ADCYAP1R1: variants seen among roughly 807,000 people sequenced by gnomAD.
ADCYAP1R1 encodes the protein ADCYAP receptor type I, also known as pituitary adenylate cyclase-activating polypeptide type I receptor.
In ADCYAP1R1, 44 loss-of-function variants were observed where a neutral mutation model predicts 67.6. The observed-to-expected ratio is 0.65, with a 90% CI of 0.51 to 0.84. The LOEUF is 0.84. Ranked by LOEUF, ADCYAP1R1 falls within the 40% of genes least tolerant of loss-of-function variation. The probability of loss-of-function intolerance (pLI) is 0.00; values close to 1 mark genes in which losing one functional copy is unlikely to be tolerated. For synonymous variants in ADCYAP1R1, 222 were observed against 219.6 expected (o/e 1.01, Z -0.10); for missense variants, 477 against 587.9 (o/e 0.81, Z 1.95).
intron 9 of ADCYAP1R1, 77 bp downstream of exon 9, chr7:31,085,519 A>C (rs1795706923): frequency 2.7e-6 from 4 of 1,499,678 alleles, no homozygotes; most frequent in Admixed American, 1.9e-5. Flanking sequence ...CAGGACGCAC[A>C]TTACCTGCCT....
chr7:31,071,968 C>T (rs1048014016), intron 3 of ADCYAP1R1, among the ~76,000 whole-genome samples: 72 of 104,984 alleles, frequency 6.9e-4, no homozygotes, highest in African/African-American at 2.7e-3. Flanking sequence ...TCCATCCATC[C>T]ATCCATCCAT....
chr7:31,069,908 G>A (rs1417144357), intron 3 of ADCYAP1R1, among the ~76,000 whole-genome samples: 3 of 152,134 alleles, frequency 2.0e-5, no homozygotes, highest in Non-Finnish European at 4.4e-5. Context: ...AGGAGAGGAG[G>A]GGGTTTGGAG....
At chr7:31,057,125 C>T (rs1269786559) in intron 1 of ADCYAP1R1, 1 of 152,028 alleles carries the variant, frequency 6.6e-6, no homozygotes, top group Non-Finnish European at 1.5e-5. Context: ...GTGAACATTT[C>T]CACAAGCTTG....
chr7:31,095,672 A>T (rs1796160674), intron 13 of ADCYAP1R1: 1 of 717,718 alleles, frequency 1.4e-6, no homozygotes, highest in Non-Finnish European at 2.6e-6. Flanking sequence ...TCCAGAACAA[A>T]TTTAAGCCCG....
At chr7:31,052,747 C>T (rs1459693569) in intron 1 of ADCYAP1R1, 69 bp downstream of exon 1, 1 of 152,306 alleles carries the variant, frequency 6.6e-6, no homozygotes, top group East Asian at 1.9e-4. Flanking sequence ...GAACCTTCGC[C>T]CAGCCGGGAC....
intron 3 of ADCYAP1R1, among the ~76,000 whole-genome samples, chr7:31,072,560 T>G (rs1795034953): frequency 6.6e-6 from 1 of 152,020 alleles, no homozygotes. Flanking sequence ...CTTTTTCATC[T>G]CACCCCTAGA....
chr7:31,082,140 C>T (rs565013708), intron 6 of ADCYAP1R1, among the ~76,000 whole-genome samples: 5 of 152,280 alleles, frequency 3.3e-5, no homozygotes, highest in East Asian at 1.9e-4. Context: ...TAATTTATTC[C>T]GCCTGGGGTG....
At chr7:31,085,589 T>C (rs1442275308) in intron 9 of ADCYAP1R1, 147 bp downstream of exon 9, 3 of 954,272 alleles carry the variant, frequency 3.1e-6, no homozygotes, top group Non-Finnish European at 4.5e-6. Flanking sequence ...CCCCCCGGTT[T>C]ATGTGAAAAC....
At chr7:31,065,512 C>T (rs988943390) in intron 3 of ADCYAP1R1, among the ~76,000 whole-genome samples, 1 of 152,214 alleles carries the variant, frequency 6.6e-6, no homozygotes, top group African/African-American at 2.4e-5. Flanking sequence ...TAGCCTCTCC[C>T]TCTAAATGCC....
chr7:31,055,072 A>G (rs1039931436), intron 1 of ADCYAP1R1, among the ~76,000 whole-genome samples: 1 of 152,150 alleles, frequency 6.6e-6, no homozygotes, highest in South Asian at 2.1e-4. Flanking sequence ...GTCAGAGGCA[A>G]ATGGTGACAG....
At chr7:31,070,784 G>T (rs969950670) in intron 3 of ADCYAP1R1, among the ~76,000 whole-genome samples, 1 of 152,190 alleles carries the variant, frequency 6.6e-6, no homozygotes, top group Non-Finnish European at 1.5e-5. Flanking sequence ...AGATTGCTGG[G>T]CCCACCTCCA....
chr7:31,057,485 C>G (rs1482607891), intron 1 of ADCYAP1R1, among the ~76,000 whole-genome samples: 1 of 152,234 alleles, frequency 6.6e-6, no homozygotes, highest in East Asian at 1.9e-4. Flanking sequence ...TGCTTTGGAC[C>G]TGGTTCCCTA....
chr7:31,077,558 G>A (rs1341304427), intron 3 of ADCYAP1R1, among the ~76,000 whole-genome samples: 1 of 146,452 alleles, frequency 6.8e-6, no homozygotes. Flanking sequence ...TGTGTGTGGT[G>A]CATGTGTGAT....
intron 5 of ADCYAP1R1, 104 bp downstream of exon 5, chr7:31,080,737 G>A: frequency 3.2e-6 from 4 of 1,250,512 alleles, no homozygotes; most frequent in South Asian, 2.5e-5. Flanking sequence ...TGGGGTGGGG[G>A]TGGAGTAAGA....
intron 1 of ADCYAP1R1, 62 bp from the exon 2 acceptor site, chr7:31,063,132 G>A: frequency 1.0e-6 from 1 of 980,620 alleles, no homozygotes; most frequent in South Asian, 1.5e-5. Context: ...AGGAAGGGAG[G>A]TGGTCTTGCC....
chr7:31,057,272 C>T (rs1794291393), intron 1 of ADCYAP1R1, among the ~76,000 whole-genome samples: 1 of 152,218 alleles, frequency 6.6e-6, no homozygotes, highest in Non-Finnish European at 1.5e-5. Flanking sequence ...TTACCTGGCC[C>T]AGGGGGTGCA....
chr7:31,082,217 A>G (rs1358663322), intron 6 of ADCYAP1R1, among the ~76,000 whole-genome samples: 1 of 152,124 alleles, frequency 6.6e-6, no homozygotes, highest in Non-Finnish European at 1.5e-5. Flanking sequence ...CGGGACGGGC[A>G]CCCCTTCGGG....
At chr7:31,069,440 C>A (rs1296916386) in intron 3 of ADCYAP1R1, among the ~76,000 whole-genome samples, 3 of 152,222 alleles carry the variant, frequency 2.0e-5, no homozygotes, top group African/African-American at 4.8e-5. Context: ...GCAGCTTGTT[C>A]CAATGCCTGT....
chr7:31,078,985 A>G (rs892859438), intron 4 of ADCYAP1R1, among the ~76,000 whole-genome samples: 10 of 152,174 alleles, frequency 6.6e-5, no homozygotes, highest in African/African-American at 2.4e-4. Flanking sequence ...GGAGATATCC[A>G]GGGGCCACCA....
Sources: allele counts gnomAD v4.1 joint callset (sites outside exome capture counted in the v4.1 genomes callset), GRCh38; gene constraint gnomAD v4.1.1; transcripts MANE v1.5; gene names NCBI Gene and HGNC (gene_info 2026-07-23, HGNC 2026-07-21).